ECM2: variants seen among roughly 807,000 people sequenced by gnomAD.
ECM2 encodes the protein extracellular matrix protein 2, female organ and adipocyte specific.
A neutral mutation model predicts 67.5 loss-of-function variants in ECM2; 57 were observed. The ratio of observed to expected loss-of-function variants is 0.84; its 90% confidence interval spans 0.68 to 1.05. The LOEUF is 1.05. Among genes scored for constraint, ECM2 ranks in the 50% least tolerant of loss-of-function variants. The pLI, the probability that ECM2 is intolerant of heterozygous loss-of-function variation, is 0.00. For synonymous variants in ECM2, 258 were observed against 294.5 expected (o/e 0.88, Z 1.27); for missense variants, 741 against 822.8 (o/e 0.90, Z 1.22).
intron 8 of ECM2, 118 bp from the exon 9 acceptor site, chr9:92,501,171 G>C: frequency 4.0e-6 from 4 of 1,008,882 alleles, no homozygotes; most frequent in Non-Finnish European, 5.7e-6. Context: ...CCAGTTTGTA[G>C]TGATGATTCC....
chr9:92,505,889 G>A (rs1202127624), intron 6 of ECM2, among the ~76,000 whole-genome samples, 199 bp from the exon 7 acceptor site: 1 of 152,074 alleles, frequency 6.6e-6, no homozygotes, highest in African/African-American at 2.4e-5. Flanking sequence ...AGAACTAAAT[G>A]CATGGTCCAG....
chr9:92,529,411 A>C (rs549653496), intron 1 of ECM2, among the ~76,000 whole-genome samples: 4 of 152,166 alleles, frequency 2.6e-5, no homozygotes, highest in Non-Finnish European at 5.9e-5. Flanking sequence ...TTCTTTTAAA[A>C]CTTAACATAC....
the ECM2 span, among the ~76,000 whole-genome samples, chr9:92,542,329 C>A: frequency 6.6e-6 from 1 of 152,100 alleles, no homozygotes; most frequent in Admixed American, 6.5e-5. Flanking sequence ...AATATTTTCT[C>A]CCATTTTGTA....
the ECM2 span, among the ~76,000 whole-genome samples, chr9:92,545,615 A>G: frequency 6.6e-6 from 1 of 152,184 alleles, no homozygotes; most frequent in Non-Finnish European, 1.5e-5. Flanking sequence ...TGACCGCCCA[A>G]GGGCTGAGGA....
chr9:92,510,949 T>A (rs1847296520), intron 5 of ECM2, among the ~76,000 whole-genome samples: 1 of 152,122 alleles, frequency 6.6e-6, no homozygotes, highest in Non-Finnish European at 1.5e-5. Flanking sequence ...AGACCAGTGA[T>A]TTGTCTGAAG....
chr9:92,533,316 A>C (rs1230646336), intron 1 of ECM2, among the ~76,000 whole-genome samples: 1 of 97,178 alleles, frequency 1.0e-5, no homozygotes, highest in African/African-American at 4.2e-5. Flanking sequence ...AAAAAAAAAA[A>C]AAAAAAAAAA....
the ECM2 span, among the ~76,000 whole-genome samples, chr9:92,553,067 C>T: frequency 6.6e-6 from 1 of 151,234 alleles, no homozygotes; most frequent in East Asian, 1.9e-4. Context: ...GTCTTTAATC[C>T]ATCTTGAGTT....
At chr9:92,551,979 GTGTGTATATATGTGAT>G in the ECM2 span, among the ~76,000 whole-genome samples, 4 of 54,784 alleles carry the variant, frequency 7.3e-5, no homozygotes, top group African/African-American at 8.9e-4. Context: ...ATATATATGT[GTGTGTATATATGTGAT>G]ATATATGTGT....
chr9:92,527,528 G>A (rs963393551), intron 1 of ECM2, among the ~76,000 whole-genome samples: 3 of 152,120 alleles, frequency 2.0e-5, no homozygotes, highest in African/African-American at 7.2e-5. Context: ...TATCCTTGTC[G>A]CTAAGTGACA....
chr9:92,530,026 A>T (rs533679579), intron 1 of ECM2, among the ~76,000 whole-genome samples: 1 of 152,306 alleles, frequency 6.6e-6, no homozygotes, highest in Non-Finnish European at 1.5e-5. Context: ...CATAGCCTAT[A>T]CAGTGTATTA....
chr9:92,505,639 G>T lies in ECM2; in HGVS notation c.1358C>A (p.Ala453Asp). Residue 453 changes from alanine (A) to aspartate (D), a missense_variant, in exon 7 of 10, where the codon GCC becomes GAC. Ala to Asp is a moderately radical substitution (Grantham distance 126, BLOSUM62 -2). Transcript: ENST00000344604. ...LELEGNNLSE[A>D]NVNPLAFKPL... ...TTTGAAAGCTAAAGGATTGACATTG[G>T]CTTCACTGAGATTGTTTCCTTCCAA... 6.2e-7 allele frequency: 1 copy of T among 1,608,088 alleles called. No individual in the cohort carries two copies.
In ECM2 at chr9:92,500,251, C is replaced by T. The variant is rs563644317; in HGVS notation, c.1931+476G>A. ...AGGCTGGAGTGCAGTGGCACCATCC[C>T]GGCTCACTGCAACCTCTGCCTCCCA... On this transcript the variant is annotated intron_variant, in intron 9 of 9. Transcript: ENST00000344604. Among the ~76,000 whole-genome samples, 7 of 152,208 alleles carry T rather than the reference C, an allele frequency of 4.6e-5. No homozygotes were observed. In the South Asian group the frequency reaches 6.2e-4, roughly 14 times the overall value.
intron 6 of ECM2, among the ~76,000 whole-genome samples, chr9:92,508,047 G>T (rs1396349741): frequency 6.6e-6 from 1 of 152,152 alleles, no homozygotes; most frequent in Non-Finnish European, 1.5e-5. Flanking sequence ...AATCTGAAAG[G>T]TCATGAGTGA....
chr9:92,501,010 C>T lies in ECM2; in HGVS notation c.1648G>A (p.Val550Ile), dbSNP rs781440673. ...IDLSYNKLYH[V>I]PSYLPKSLLH... ...AAGGACTTGGGTAGATAGGACGGGA[C>T]GTGATAGAGCTTGTTGTAGGAGAGA... Residue 550 changes from valine to isoleucine, a missense_variant, in exon 9 of 10, where the codon GTC (valine) becomes ATC (isoleucine). By Grantham distance (29) the Val-to-Ile change is conservative (BLOSUM62 3). Transcript: ENST00000344604. The T allele has an allele frequency of 2.4e-5, 39 of 1,613,984 alleles. No homozygotes were observed. The highest frequency in any genetic ancestry group is 1.6e-4 in the Middle Eastern group (1 of 6,062).
intron 5 of ECM2, 76 bp downstream of exon 5, chr9:92,511,935 C>G (rs1318008259): frequency 3.6e-6 from 4 of 1,117,056 alleles, no homozygotes; most frequent in African/African-American, 3.2e-5. Flanking sequence ...TCCTTTTCCT[C>G]CCTTCCCCAT....
At chr9:92,502,803 T>TA in intron 7 of ECM2, 151 bp from the exon 8 acceptor site, 17 of 533,700 alleles carry the variant, frequency 3.2e-5, no homozygotes, top group East Asian at 8.4e-5. Flanking sequence ...TTTTAAGTTG[T>TA]CTTTTTTTTT....
chr9:92,545,536 G>A, the ECM2 span, among the ~76,000 whole-genome samples: 2 of 80,482 alleles, frequency 2.5e-5, no homozygotes, highest in Admixed American at 1.1e-4. Flanking sequence ...CTCCCGCCCC[G>A]CCGGGCCCCT....
chr9:92,493,798 C>A, downstream of ECM2: 1 of 224,910 alleles, frequency 4.4e-6, no homozygotes, highest in Non-Finnish European at 8.7e-6. Context: ...GAAATAAGTA[C>A]AACTTCCACT....
intron 9 of ECM2, among the ~76,000 whole-genome samples, chr9:92,498,292 T>A (rs1846473507): frequency 6.6e-6 from 1 of 152,044 alleles, no homozygotes; most frequent in Non-Finnish European, 1.5e-5. Flanking sequence ...ATATAGTGTA[T>A]AAAAGACAAT....
Sources: allele counts gnomAD v4.1 joint callset (sites outside exome capture counted in the v4.1 genomes callset), GRCh38; gene constraint gnomAD v4.1.1; transcripts MANE v1.5; gene names NCBI Gene and HGNC (gene_info 2026-07-23, HGNC 2026-07-21).